The following CD109 variants were observed in gnomAD, a reference collection of about 807,000 sequenced individuals.
CD109 encodes CD109 antigen.
A neutral mutation model predicts 165.8 loss-of-function variants in CD109; 149 were observed. The observed-to-expected ratio is 0.90, with a 90% confidence interval of 0.79 to 1.03. The LOEUF (loss-of-function observed/expected upper bound fraction) is 1.03. Among genes scored for constraint, CD109 ranks in the 50% least tolerant of loss-of-function variants. The pLI, the probability that CD109 is intolerant of heterozygous loss-of-function variation, is 0.00. For synonymous variants in CD109, 585 were observed against 592.1 expected (o/e 0.99, Z 0.18); for missense variants, 1,712 against 1,677.8 (o/e 1.02, Z -0.36).
At chr6:73,796,874 T>C (rs1224962965) in intron 23 of CD109, among the ~76,000 whole-genome samples, 2 of 152,168 alleles carry the variant, frequency 1.3e-5, no homozygotes, top group Non-Finnish European at 2.9e-5. Context: ...GTCAGCACAG[T>C]GGAGCTCCCC....
At chr6:73,809,151 A>G (rs1775669974) in intron 26 of CD109, among the ~76,000 whole-genome samples, 1 of 152,022 alleles carries the variant, frequency 6.6e-6, no homozygotes, top group Non-Finnish European at 1.5e-5. Flanking sequence ...TATTTGAGAG[A>G]GGGCACCAAG....
intron 15 of CD109, among the ~76,000 whole-genome samples, chr6:73,779,394 G>A (rs367985213): frequency 3.3e-5 from 5 of 151,740 alleles, no homozygotes; most frequent in African/African-American, 9.7e-5. Context: ...GACTACAGGC[G>A]CCCACCACTA....
chr6:73,759,134 A>G (rs1773517149), intron 7 of CD109, 106 bp downstream of exon 7: 1 of 695,650 alleles, frequency 1.4e-6, no homozygotes, highest in East Asian at 2.7e-5. Flanking sequence ...GCTTATTAAA[A>G]TACCTTAGTG....
intron 15 of CD109, among the ~76,000 whole-genome samples, chr6:73,772,958 C>T (rs1774098974): frequency 6.8e-6 from 1 of 147,596 alleles, no homozygotes; most frequent in Admixed American, 6.7e-5. Flanking sequence ...TTGACTTTTC[C>T]TGAGTTCACA....
chr6:73,791,132 C>CATAT (rs1163631661), intron 22 of CD109, among the ~76,000 whole-genome samples: 83 of 46,676 alleles, frequency 1.8e-3, no homozygotes, highest in East Asian at 0.018. Flanking sequence ...TATATACATA[C>CATAT]ATACATATAT....
At position 73,736,491 on chromosome 6, in the gene CD109, A is replaced by G. The variant is rs148575660; in HGVS notation, c.616A>G (p.Ile206Val). The change falls in exon 5 of 33, where the codon ATT becomes GTT. Residue 206 changes from isoleucine to valine, a missense_variant. Coordinates refer to ENST00000287097, the MANE Select transcript of CD109 (RefSeq NM_133493.5). The part of the protein sequence containing the change: ...SSHPILGDWS[I>V]QVQVNDQTYY... ...CCATCCAATACTTGGTGACTGGTCT[A>G]TTCAAGTTCAAGTGAATGTGAGTAT... 0.01 allele frequency: 16,557 copies of G among 1,612,012 alleles called. 111 individuals carry two copies. Among genetic ancestry groups the G allele is most frequent in the Non-Finnish European group, 0.011 (13,426 of 1,179,090 alleles).
chr6:73,687,557 G>A, the CD109 span, among the ~76,000 whole-genome samples: 3 of 147,470 alleles, frequency 2.0e-5, no homozygotes, highest in Non-Finnish European at 4.5e-5. Flanking sequence ...TTGATGAACA[G>A]AACACAGCTT....
At chr6:73,698,490 A>G (rs541011033) in intron 2 of CD109, among the ~76,000 whole-genome samples, 2 of 152,248 alleles carry the variant, frequency 1.3e-5, no homozygotes, top group Non-Finnish European at 2.9e-5. Flanking sequence ...TGGCCGAGAC[A>G]TACATTTTTA....
chr6:73,730,149 G>A (rs916283787), intron 3 of CD109, among the ~76,000 whole-genome samples, 195 bp from the exon 4 acceptor site: 28 of 152,212 alleles, frequency 1.8e-4, no homozygotes, highest in African/African-American at 5.3e-4. Context: ...GCCCTGTGAT[G>A]TAACTGGAGA....
intron 5 of CD109, among the ~76,000 whole-genome samples, chr6:73,756,250 C>A (rs1016003179): frequency 2.2e-4 from 33 of 152,248 alleles, no homozygotes; most frequent in African/African-American, 7.7e-4. Flanking sequence ...ATAATGATAT[C>A]CAAAACAAAT....
intron 24 of CD109, among the ~76,000 whole-genome samples, chr6:73,805,235 T>C (rs1775520495): frequency 6.6e-6 from 1 of 152,234 alleles, no homozygotes; most frequent in Non-Finnish European, 1.5e-5. Context: ...AAAATTCTTC[T>C]GCCTTGAGAT....
intron 10 of CD109, among the ~76,000 whole-genome samples, chr6:73,764,562 C>G (rs1161039112): frequency 6.6e-6 from 1 of 151,756 alleles, no homozygotes; most frequent in Non-Finnish European, 1.5e-5. Flanking sequence ...TGCCTGTAAT[C>G]CCAGCACTTT....
chr6:73,824,610 T>C lies in CD109; in HGVS notation c.*977T>C, dbSNP rs1776216013. On this transcript the variant is annotated 3_prime_UTR_variant, in exon 33 of 33. Coordinates refer to ENST00000287097, the MANE Select transcript of CD109 (RefSeq NM_133493.5). The stretch of plus-strand genomic sequence containing the variant: ...ACTGCTGACCTAAAGATCCCTGGCA[T>C]TGGCCAGGGATCCTGTGGAACCTCT... The C allele has an allele frequency of 6.6e-6, 1 of 152,200 alleles. No homozygotes were observed. Among genetic ancestry groups the C allele is most frequent in the South Asian group, 2.1e-4 (1 of 4,824 alleles). The allele number at this position is 152,200 out of a possible 1,614,324, so 9.4% of individuals were successfully genotyped here.
chr6:73,688,682 A>C, the CD109 span, among the ~76,000 whole-genome samples: 2 of 151,770 alleles, frequency 1.3e-5, no homozygotes, highest in South Asian at 4.2e-4. Context: ...AAGGGCTGGA[A>C]ATGGCATTAA....
the CD109 span, among the ~76,000 whole-genome samples, chr6:73,686,136 C>G: frequency 3.3e-5 from 5 of 152,080 alleles, no homozygotes; most frequent in African/African-American, 4.8e-5. Context: ...TCTTTCCTAC[C>G]TTCTTCAATG....
intron 4 of CD109, among the ~76,000 whole-genome samples, chr6:73,734,791 A>G (rs748965661): frequency 1.3e-5 from 2 of 152,210 alleles, no homozygotes; most frequent in African/African-American, 2.4e-5. Flanking sequence ...TTCTAGGCAA[A>G]GTTTAGAGGA....
chr6:73,756,647 A>G lies in CD109; in HGVS notation c.638A>G (p.Gln213Arg), dbSNP rs1773402771. ...TTTTTCTCCCCTGCCCAATAGGACC[A>G]GACATACTATCAATCATTTCAGGTT... The part of the protein sequence containing the change: ...DWSIQVQVND[Q>R]TYYQSFQVSE... The change falls in exon 6 of 33, where the codon CAG (glutamine) becomes CGG (arginine). Residue 213 changes from glutamine to arginine, a missense_variant. Transcript: ENST00000287097. 6.4e-7 allele frequency: 1 copy of G among 1,553,752 alleles called. No homozygotes were observed. The highest frequency in any genetic ancestry group is 1.4e-5 in the African/African-American group (1 of 71,528).
intron 2 of CD109, among the ~76,000 whole-genome samples, chr6:73,716,976 A>G (rs1298136113): frequency 1.3e-5 from 2 of 152,216 alleles, no homozygotes; most frequent in African/African-American, 4.8e-5. Flanking sequence ...GACAGGGTCT[A>G]GTTTCATTCT....
intron 2 of CD109, among the ~76,000 whole-genome samples, chr6:73,718,818 A>G (rs1252483359): frequency 2.0e-5 from 3 of 152,150 alleles, no homozygotes; most frequent in African/African-American, 7.2e-5. Context: ...AGTGGTATGT[A>G]CTATTATTAT....
Sources: gnomAD v4.1 joint callset for allele counts (sites outside exome capture counted in the v4.1 genomes callset) on GRCh38, gnomAD v4.1.1 for gene constraint, MANE v1.5 for transcripts, NCBI Gene and HGNC (gene_info 2026-07-23, HGNC 2026-07-21) for gene names.